Variants in INPP5A observed in about 807,000 individuals in gnomAD.
The protein encoded by INPP5A is inositol polyphosphate-5-phosphatase A, also known as 43 kDa inositol polyphosphate 5-phophatase.
INPP5A carries 14 observed loss-of-function variants against 65.2 expected under a neutral mutation model. The ratio of observed to expected loss-of-function variants is 0.21; its 90% confidence interval spans 0.14 to 0.34. The LOEUF (loss-of-function observed/expected upper bound fraction) is 0.34. INPP5A is among the 10% of genes least tolerant of loss of function. The pLI, the probability that INPP5A is intolerant of heterozygous loss-of-function variation, is 1.00. For synonymous variants in INPP5A, 207 were observed against 208.3 expected, an observed-to-expected ratio of 0.99 and a Z score of 0.05; for missense variants, 431 against 545.6, an observed-to-expected ratio of 0.79 and a Z score of 2.09.
At chr10:132,589,343 GT>G (rs1466927599) in intron 1 of INPP5A, among the ~76,000 whole-genome samples, 1 of 152,252 alleles carries the variant, frequency 6.6e-6, no homozygotes, top group African/African-American at 2.4e-5. Flanking sequence ...TGCTGTGCGG[GT>G]TCTTGAGGCA....
At chr10:132,720,779 C>G (rs1442437750) in intron 8 of INPP5A, among the ~76,000 whole-genome samples, 1 of 149,502 alleles carries the variant, frequency 6.7e-6, no homozygotes, top group Non-Finnish European at 1.5e-5. Context: ...TCTGTGGTAC[C>G]TGGGTTCTGT....
At chr10:132,723,009 C>A (rs1054333493) in intron 8 of INPP5A, among the ~76,000 whole-genome samples, 16 of 152,222 alleles carry the variant, frequency 1.1e-4, no homozygotes, top group African/African-American at 2.9e-4. Context: ...GTGACAGCCC[C>A]TTCGTCTTGC....
intron 5 of INPP5A, among the ~76,000 whole-genome samples, chr10:132,693,705 A>C (rs1356267314): frequency 1.3e-5 from 2 of 152,252 alleles, no homozygotes; most frequent in Non-Finnish European, 2.9e-5. Context: ...TAAGAAAAAA[A>C]ATGACACAAA....
intron 8 of INPP5A, among the ~76,000 whole-genome samples, chr10:132,716,713 T>G (rs1426150951): frequency 6.6e-6 from 1 of 152,234 alleles, no homozygotes; most frequent in Non-Finnish European, 1.5e-5. Flanking sequence ...GTTGAGGCAC[T>G]TCTGTGCCGC....
chr10:132,725,274 C>T (rs890675767), intron 8 of INPP5A, among the ~76,000 whole-genome samples: 4 of 152,336 alleles, frequency 2.6e-5, no homozygotes, highest in African/African-American at 4.8e-5. Context: ...ATGGTTCCAC[C>T]CGCACTCAGT....
intron 1 of INPP5A, among the ~76,000 whole-genome samples, chr10:132,594,993 G>A (rs865952053): frequency 6.6e-5 from 10 of 152,308 alleles, no homozygotes; most frequent in Non-Finnish European, 1.2e-4. Context: ...AAAGTAATGC[G>A]TGATGATTAT....
At chr10:132,559,510 C>T (rs1414783774) in intron 1 of INPP5A, among the ~76,000 whole-genome samples, 1 of 152,232 alleles carries the variant, frequency 6.6e-6, no homozygotes, top group African/African-American at 2.4e-5. Context: ...CCTTTCCCCC[C>T]TTCCGCCAAC....
chr10:132,740,991 G>T (rs1005658892), intron 9 of INPP5A, among the ~76,000 whole-genome samples: 2 of 152,224 alleles, frequency 1.3e-5, no homozygotes, highest in African/African-American at 4.8e-5. Flanking sequence ...CACTGTGGGA[G>T]GCTGAGGCAG....
At chr10:132,717,794 C>G (rs1845769223) in intron 8 of INPP5A, among the ~76,000 whole-genome samples, 1 of 136,854 alleles carries the variant, frequency 7.3e-6, no homozygotes. Context: ...CGACTGTCTT[C>G]AGGGTTCTGT....
intron 1 of INPP5A, among the ~76,000 whole-genome samples, chr10:132,591,791 C>T (rs1306809934): frequency 4.4e-5 from 4 of 91,608 alleles, no homozygotes; most frequent in Admixed American, 1.0e-4. Flanking sequence ...TCTCCTTTCC[C>T]GGAGCTGCGC....
intron 11 of INPP5A, among the ~76,000 whole-genome samples, chr10:132,756,292 A>T (rs926045021): frequency 6.6e-6 from 1 of 151,668 alleles, no homozygotes; most frequent in South Asian, 2.1e-4. Flanking sequence ...GTGCATGTGC[A>T]CTAGTGTGTG....
intron 9 of INPP5A, among the ~76,000 whole-genome samples, chr10:132,735,373 G>A (rs751226750): frequency 6.6e-6 from 1 of 152,258 alleles, no homozygotes; most frequent in Non-Finnish European, 1.5e-5. Flanking sequence ...TAGCCAGAGC[G>A]CATCAGGAAG....
At chr10:132,714,669 G>T (rs1010512860) in intron 8 of INPP5A, among the ~76,000 whole-genome samples, 3 of 152,146 alleles carry the variant, frequency 2.0e-5, no homozygotes, top group Non-Finnish European at 4.4e-5. Context: ...GGCACCGTAG[G>T]ACCTTCGCAC....
At chr10:132,745,924 G>A (rs1005759744) in intron 9 of INPP5A, among the ~76,000 whole-genome samples, 5 of 152,184 alleles carry the variant, frequency 3.3e-5, no homozygotes, top group African/African-American at 4.8e-5. Context: ...GAGAACAGGC[G>A]GGTGCGTGAG....
intron 1 of INPP5A, among the ~76,000 whole-genome samples, chr10:132,554,612 G>A (rs2071101273): frequency 6.6e-6 from 1 of 152,032 alleles, no homozygotes; most frequent in South Asian, 2.1e-4. Context: ...GTCCATGTGG[G>A]TGGCATGATT....
chr10:132,657,578 A>ATTCCTGGGT (rs1202020166), intron 4 of INPP5A, among the ~76,000 whole-genome samples: 2 of 151,374 alleles, frequency 1.3e-5, no homozygotes, highest in Non-Finnish European at 3.0e-5. Flanking sequence ...CCCAGTACCC[A>ATTCCTGGGT]GCGGTGGCCC....
At chr10:132,582,290 C>T (rs1282553409) in intron 1 of INPP5A, among the ~76,000 whole-genome samples, 1 of 152,074 alleles carries the variant, frequency 6.6e-6, no homozygotes, top group African/African-American at 2.4e-5. Context: ...TATGCTTTTA[C>T]TGTCTACATT....
intron 8 of INPP5A, among the ~76,000 whole-genome samples, chr10:132,725,470 G>T (rs1293668123): frequency 6.6e-6 from 1 of 152,240 alleles, no homozygotes; most frequent in African/African-American, 2.4e-5. Context: ...GACCACATAA[G>T]AACTGGGAAG....
At chr10:132,723,513 T>C (rs1031045523) in intron 8 of INPP5A, among the ~76,000 whole-genome samples, 1 of 145,930 alleles carries the variant, frequency 6.9e-6, no homozygotes, top group African/African-American at 2.6e-5. Context: ...GGATTGGCCA[T>C]GTGGGGATTG....
Sources: gnomAD v4.1 joint callset for allele counts (sites outside exome capture counted in the v4.1 genomes callset) on GRCh38, gnomAD v4.1.1 for gene constraint, MANE v1.5 for transcripts, NCBI Gene and HGNC (gene_info 2026-07-23, HGNC 2026-07-21) for gene names.